RAI14: variants seen among roughly 807,000 people sequenced by gnomAD.
RAI14 encodes the protein ankycorbin.
In RAI14, 45 loss-of-function variants were observed where a neutral mutation model predicts 115.4. The observed-to-expected ratio is 0.39, with a 90% confidence interval of 0.31 to 0.50. The LOEUF (loss-of-function observed/expected upper bound fraction) is 0.50, where lower values mean the gene tolerates loss of function less well. Ranked by LOEUF, RAI14 falls within the 20% of genes least tolerant of loss-of-function variation. The pLI is 0.85. For synonymous variants in RAI14, 371 were observed against 415.4 expected (o/e 0.89, Z 1.30); for missense variants, 939 against 1,131.2 (o/e 0.83, Z 2.44).
At chr5:34,672,362 T>G (rs990867789) in intron 1 of RAI14, among the ~76,000 whole-genome samples, 2 of 152,138 alleles carry the variant, frequency 1.3e-5, no homozygotes, top group South Asian at 2.1e-4. Context: ...ATGCAAGGTA[T>G]GTAGGTTTGT....
In RAI14 at chr5:34,779,784, G is replaced by A. The variant is rs1354358141; in HGVS notation, c.168-16155G>A. 2.6e-5 allele frequency among the ~76,000 whole-genome samples: 4 copies of A among 152,112 alleles called. No individual in the cohort carries two copies. The East Asian group carries it at 7.7e-4, about 29-fold the overall frequency. On this transcript the variant is annotated intron_variant, in intron 3 of 17. Transcript: ENST00000265109. ...AGGAAGAATCAATATCGTGAAAATG[G>A]CCATACTGCCCAAGGTAATTTATAG...
chr5:34,815,049 C>T (rs1376581340), intron 12 of RAI14, among the ~76,000 whole-genome samples: 1 of 151,960 alleles, frequency 6.6e-6, no homozygotes, highest in Non-Finnish European at 1.5e-5. Context: ...GAGTTCAAGA[C>T]CAGCTTGGCC....
chr5:34,807,376 G>A (rs1024881715), intron 5 of RAI14, among the ~76,000 whole-genome samples: 6 of 152,118 alleles, frequency 3.9e-5, no homozygotes, highest in Non-Finnish European at 5.9e-5. Context: ...GACTCGAGAG[G>A]GGACACCCAA....
At chr5:34,662,712 T>G in intron 1 of RAI14, among the ~76,000 whole-genome samples, 1 of 137,668 alleles carries the variant, frequency 7.3e-6, no homozygotes, top group Admixed American at 8.1e-5. Flanking sequence ...TGTTGCACAA[T>G]TTAAACAGAT....
At chr5:34,692,664 G>C (rs1055260631) in intron 2 of RAI14, among the ~76,000 whole-genome samples, 1 of 151,856 alleles carries the variant, frequency 6.6e-6, no homozygotes, top group South Asian at 2.1e-4. Context: ...GACCCCACTG[G>C]GTGGAGGTAG....
rs1757953443 is a variant in RAI14, at chr5:34,830,689, G to T, written c.2867G>T (p.Gly956Val). Residue 956 changes from glycine (G) to valine (V), a missense_variant and splice_region_variant, in exon 18 of 18, where the codon GGC (glycine) becomes GTC (valine). By Grantham distance (109) the Gly-to-Val change is moderately radical. Transcript: ENST00000265109. ...YRMHLLYAVQ[G>V]QMDEDVQKVL... ...GTATCTTGTGTTTGAATATCCTAGG[G>T]CCAGATGGATGAAGATGTCCAGAAA... 6.2e-7 allele frequency: 1 copy of T among 1,613,984 alleles called. No individual in the cohort carries two copies. The highest frequency in any genetic ancestry group is 1.3e-5 in the African/African-American group (1 of 74,914).
At chr5:34,687,062 C>A in intron 2 of RAI14, 107 bp downstream of exon 2, 1 of 1,190,152 alleles carries the variant, frequency 8.4e-7, no homozygotes, top group South Asian at 1.4e-5. Context: ...AAACTACAGA[C>A]ACTCAAGTGC....
At chr5:34,708,291 C>T (rs1740966733) in intron 2 of RAI14, among the ~76,000 whole-genome samples, 1 of 151,902 alleles carries the variant, frequency 6.6e-6, no homozygotes, top group Non-Finnish European at 1.5e-5. Flanking sequence ...CAACCTCTGC[C>T]TCCCGCGTTC....
In RAI14 at chr5:34,710,585, T is replaced by C. The variant is rs1741273794; in HGVS notation, c.36+23630T>C. The stretch of plus-strand genomic sequence containing the variant: ...GGGTGGAAGATTAGATTTTAGTGTT[T>C]CCAAACTTTGTTGATGATGAGAATC... On this transcript the variant is annotated intron_variant, in intron 2 of 17. Transcript: ENST00000265109. 5.3e-5 allele frequency among the ~76,000 whole-genome samples: 8 copies of C among 152,302 alleles called. No individual in the cohort carries two copies. In the South Asian group the frequency reaches 1.7e-3, roughly 32 times the overall value.
At chr5:34,807,278 TGA>T (rs1041280380) in intron 5 of RAI14, among the ~76,000 whole-genome samples, 10 of 151,992 alleles carry the variant, frequency 6.6e-5, no homozygotes, top group Admixed American at 5.9e-4. Context: ...CTCTAGGAGC[TGA>T]GAGGTTGGAG....
chr5:34,794,743 C>G (rs555298238), intron 3 of RAI14, among the ~76,000 whole-genome samples: 1 of 152,284 alleles, frequency 6.6e-6, no homozygotes, highest in African/African-American at 2.4e-5. Flanking sequence ...GCAACTAGTA[C>G]TGAAGTATTC....
At chr5:34,675,191 C>G (rs1743893581) in intron 1 of RAI14, among the ~76,000 whole-genome samples, 1 of 152,216 alleles carries the variant, frequency 6.6e-6, no homozygotes, top group African/African-American at 2.4e-5. Flanking sequence ...CTCCCGTGCC[C>G]AGGCCACTGG....
chr5:34,796,394 T>C, intron 4 of RAI14, among the ~76,000 whole-genome samples: 1 of 110,794 alleles, frequency 9.0e-6, no homozygotes, highest in Non-Finnish European at 1.8e-5. Flanking sequence ...CGAGACTCTG[T>C]CTCAAAAAAA....
intron 2 of RAI14, among the ~76,000 whole-genome samples, chr5:34,733,948 A>G (rs1189109016): frequency 6.6e-6 from 1 of 152,196 alleles, no homozygotes; most frequent in Non-Finnish European, 1.5e-5. Context: ...CAGGCAAGAT[A>G]GCACAAGTCA....
At chr5:34,775,317 G>T (rs1410798387) in intron 3 of RAI14, among the ~76,000 whole-genome samples, 2 of 152,274 alleles carry the variant, frequency 1.3e-5, no homozygotes, top group Admixed American at 1.3e-4. Context: ...GATCAGCAAA[G>T]AGATAACCCA....
chr5:34,731,687 T>TG (rs1744204624), intron 2 of RAI14, among the ~76,000 whole-genome samples: 1 of 152,122 alleles, frequency 6.6e-6, no homozygotes. Context: ...AGAACTCATC[T>TG]GGGGAAAAAA....
chr5:34,803,653 GA>G (rs948562052), intron 4 of RAI14, 58 bp from the exon 5 acceptor site: 6 of 1,384,608 alleles, frequency 4.3e-6, no homozygotes, highest in African/African-American at 1.5e-5. Context: ...ATAAGAAAGA[GA>G]TTTTTTTTAA....
intron 2 of RAI14, among the ~76,000 whole-genome samples, chr5:34,750,332 A>G (rs1219328807): frequency 6.6e-6 from 1 of 152,094 alleles, no homozygotes; most frequent in Non-Finnish European, 1.5e-5. Context: ...GGGTGGGGGT[A>G]GATATTTAGG....
chr5:34,740,939 A>T (rs1745441162), intron 2 of RAI14, among the ~76,000 whole-genome samples: 1 of 152,224 alleles, frequency 6.6e-6, no homozygotes, highest in Non-Finnish European at 1.5e-5. Context: ...CCTGAAATAT[A>T]CTAAACTATC....
Sources: allele counts gnomAD v4.1 joint callset (sites outside exome capture counted in the v4.1 genomes callset), GRCh38; gene constraint gnomAD v4.1.1; transcripts MANE v1.5; gene names NCBI Gene and HGNC (gene_info 2026-07-23, HGNC 2026-07-21).